RYR3: variants seen among roughly 807,000 people sequenced by gnomAD.
RYR3 encodes ryanodine receptor 3.
RYR3 carries 207 observed loss-of-function variants against 584.3 expected under a neutral mutation model. The ratio of observed to expected loss-of-function variants is 0.35; its 90% CI spans 0.32 to 0.40. The LOEUF (loss-of-function observed/expected upper bound fraction) is 0.40, where lower values mean the gene tolerates loss of function less well. RYR3 is among the 10% of genes least tolerant of loss of function. The pLI, the probability that RYR3 is intolerant of heterozygous loss-of-function variation, is 1.00. For synonymous variants in RYR3, 2,416 were observed against 2,248.5 expected (o/e 1.07, Z -2.11); for missense variants, 5,616 against 6,089.2 (o/e 0.92, Z 2.59).
At chr15:33,490,037 C>T (rs905608007) in intron 2 of RYR3, among the ~76,000 whole-genome samples, 3 of 152,146 alleles carry the variant, frequency 2.0e-5, no homozygotes, top group Non-Finnish European at 4.4e-5. Flanking sequence ...TCTTAACTTC[C>T]TGATAATAGA....
At chr15:33,640,973 T>A (rs1441738661) in intron 27 of RYR3, among the ~76,000 whole-genome samples, 1 of 152,224 alleles carries the variant, frequency 6.6e-6, no homozygotes, top group East Asian at 1.9e-4. Context: ...TAATGCCACA[T>A]GACCTTGCCC....
Position 33,755,165 on chromosome 15 carries a change from T to G in RYR3, c.8500T>G (p.Phe2834Val). 6.2e-7 allele frequency: 1 copy of G among 1,601,342 alleles called. No homozygotes were observed. Among genetic ancestry groups the G allele is most frequent in the Non-Finnish European group, 8.6e-7 (1 of 1,169,504 alleles). Residue 2834 changes from phenylalanine to valine, a missense_variant, in exon 58 of 104, where the codon TTT (phenylalanine) becomes GTT (valine). This residue lies in a region of RYR3 where 1,280 missense variants were observed against 1,426.2 expected (regional missense o/e 0.90). Coordinates refer to ENST00000634891, the MANE Select transcript of RYR3 (RefSeq NM_001036.6). ...ILKYVDSAQE[F>V]IAHLEAIVSS... ...GAAATACGTTGATTCTGCTCAAGAA[T>G]TTATTGCCCATTTAGGTAAGTATCA... is the stretch of plus-strand genomic sequence containing the variant.
intron 12 of RYR3, among the ~76,000 whole-genome samples, chr15:33,578,609 G>T (rs2058422175): frequency 6.6e-6 from 1 of 152,060 alleles, no homozygotes; most frequent in South Asian, 2.1e-4. Context: ...GCCTGTCGAG[G>T]GGTGGGGGGT....
Position 33,549,516 on chromosome 15 carries a change from A to G in RYR3, c.816-644A>G, listed in dbSNP as rs555051491. Among the ~76,000 whole-genome samples the G allele has an allele frequency of 1.9e-4, 29 of 152,378 alleles. No homozygotes were observed. The South Asian group carries it at 3.3e-3, about 17-fold the overall frequency. On this transcript the variant is annotated intron_variant, in intron 9 of 103. Coordinates refer to ENST00000634891, the MANE Select transcript of RYR3 (RefSeq NM_001036.6). ...GATTATTCAGTGGATAATTTCTCCC[A>G]TAACACTTACCATAACTTTTGCTGA...
intron 1 of RYR3, among the ~76,000 whole-genome samples, chr15:33,472,216 C>G (rs1051698622): frequency 3.9e-5 from 6 of 152,154 alleles, no homozygotes; most frequent in African/African-American, 1.4e-4. Context: ...TCTCGCATTC[C>G]CCTGCAGCCC....
At chr15:33,464,489 T>TATATATATATATATATATACACACAC (rs1450450145) in intron 1 of RYR3, among the ~76,000 whole-genome samples, 29 of 67,444 alleles carry the variant, frequency 4.3e-4, no homozygotes, top group African/African-American at 2.4e-3. Context: ...TATATATATA[T>TATATATATATATATATATACACACAC]ACACATATAT....
rs1595986584 is a variant in RYR3 at position 33,652,846 on chromosome 15, T to A, written c.4271T>A (p.Phe1424Tyr). ...LVDLAMGMLSFSANGKELGTC... is the reference protein window; with the variant it reads ...LVDLAMGMLSYSANGKELGTC... Reference sequence around the variant, plus strand: ...GATCTGGCCATGGGCATGTTGTCCTTCTCAGCCAATGGAAAGGAACTGGGC... The same window carrying A: ...GATCTGGCCATGGGCATGTTGTCCTACTCAGCCAATGGAAAGGAACTGGGC... Residue 1424 changes from phenylalanine to tyrosine, a missense_variant, in exon 32 of 104, where the codon TTC becomes TAC. By Grantham distance (22) the Phe-to-Tyr change is conservative. This residue lies in a region of RYR3 where 753 missense variants were observed against 741.0 expected (regional missense o/e 1.02). Transcript: ENST00000634891. 6.2e-7 allele frequency: 1 copy of A among 1,613,236 alleles called. No homozygotes were observed. Among genetic ancestry groups the A allele is most frequent in the Non-Finnish European group, 8.5e-7 (1 of 1,179,630 alleles).
At chr15:33,815,916 C>T in intron 74 of RYR3, 1 of 398,530 alleles carries the variant, frequency 2.5e-6, no homozygotes, top group Non-Finnish European at 4.4e-6. Flanking sequence ...GTATGACAGG[C>T]TTATACCCAT....
chr15:33,436,501 C>CTTT (rs34317660), intron 1 of RYR3, among the ~76,000 whole-genome samples: 2 of 135,916 alleles, frequency 1.5e-5, no homozygotes, highest in Non-Finnish European at 3.2e-5. Flanking sequence ...AAACCATATT[C>CTTT]TTTTTTTTTT....
intron 40 of RYR3, among the ~76,000 whole-genome samples, chr15:33,699,236 GTCTCTC>G (rs5811786): frequency 2.3e-4 from 26 of 114,468 alleles, no homozygotes; most frequent in African/African-American, 8.1e-4. Context: ...CTGTCTGTCT[GTCTCTC>G]TCTCTCTCTC....
At chr15:33,362,135 C>T (rs562359148) in intron 1 of RYR3, among the ~76,000 whole-genome samples, 5 of 152,310 alleles carry the variant, frequency 3.3e-5, no homozygotes, top group South Asian at 2.1e-4. Flanking sequence ...TTGCCCCCTG[C>T]GGTGTGTTGC....
At chr15:33,342,927 A>T (rs574706406) in intron 1 of RYR3, among the ~76,000 whole-genome samples, 1 of 152,222 alleles carries the variant, frequency 6.6e-6, no homozygotes, top group African/African-American at 2.4e-5. Flanking sequence ...TCTAGATACC[A>T]TGGGGGTCTA....
intron 62 of RYR3, among the ~76,000 whole-genome samples, chr15:33,769,575 G>A (rs12442428): frequency 0.2 from 30,765 of 152,048 alleles, 3,864 homozygotes; most frequent in Admixed American, 0.36. Flanking sequence ...AGACAAAGAC[G>A]TTGATGCCAT....
intron 48 of RYR3, 50 bp from the exon 49 acceptor site, chr15:33,736,182 TTTA>T (rs1246823173): frequency 6.0e-5 from 72 of 1,190,360 alleles, no homozygotes; most frequent in Non-Finnish European, 7.6e-5. Flanking sequence ...TCATTCCTCC[TTTA>T]TTATTATGTT....
intron 1 of RYR3, among the ~76,000 whole-genome samples, chr15:33,352,998 C>G (rs557630035): frequency 6.8e-6 from 1 of 146,416 alleles, no homozygotes; most frequent in African/African-American, 2.6e-5. Context: ...AAAGTGCCCC[C>G]CAAAATGGAG....
chr15:33,498,671 A>G (rs953809219), intron 2 of RYR3, among the ~76,000 whole-genome samples: 11 of 152,154 alleles, frequency 7.2e-5, no homozygotes, highest in African/African-American at 2.7e-4. Context: ...TTCTGTGCAC[A>G]AGCTTTTTTG....
chr15:33,584,030 C>A (rs2058720125), intron 14 of RYR3, among the ~76,000 whole-genome samples: 1 of 151,482 alleles, frequency 6.6e-6, no homozygotes. Context: ...CCAGCCTGGG[C>A]AACAAGAGTG....
At chr15:33,441,373 G>A (rs890529518) in intron 1 of RYR3, among the ~76,000 whole-genome samples, 5 of 152,056 alleles carry the variant, frequency 3.3e-5, no homozygotes, top group Non-Finnish European at 7.4e-5. Context: ...TGCCTGTATA[G>A]CACATATAAT....
chr15:33,554,457 G>A (rs958234539), intron 10 of RYR3, among the ~76,000 whole-genome samples: 98 of 151,966 alleles, frequency 6.4e-4, no homozygotes, highest in African/African-American at 2.0e-3. Flanking sequence ...CACCACACCG[G>A]GCTAATTTTT....
Sources: allele counts gnomAD v4.1 joint callset (sites outside exome capture counted in the v4.1 genomes callset), GRCh38; gene constraint gnomAD v4.1.1; regional missense constraint gnomAD v4.1.1; transcripts MANE v1.5; gene names NCBI Gene and HGNC (gene_info 2026-07-23, HGNC 2026-07-21).